The following DOCK1 variants were observed in gnomAD, a reference collection of about 807,000 sequenced individuals.
DOCK1 encodes the protein dedicator of cytokinesis protein 1.
In DOCK1, 138 loss-of-function variants were observed where a neutral mutation model predicts 262.7. That is an observed-to-expected ratio of 0.53 (90% confidence interval 0.46 to 0.61). The LOEUF (loss-of-function observed/expected upper bound fraction) is 0.61. DOCK1 is among the 20% of genes least tolerant of loss of function. The probability of loss-of-function intolerance (pLI) is 0.00; values close to 1 mark genes in which losing one functional copy is unlikely to be tolerated. For synonymous variants in DOCK1, 866 were observed against 867.4 expected (o/e 1.00, Z 0.03); for missense variants, 1,908 against 2,370.7 (o/e 0.80, Z 4.05).
intron 4 of DOCK1, among the ~76,000 whole-genome samples, chr10:126,985,084 G>A (rs944649393): frequency 2.7e-5 from 4 of 148,944 alleles, no homozygotes; most frequent in Admixed American, 6.9e-5. Context: ...GCGTTCAAGC[G>A]ATTCTCCTGT....
chr10:127,119,482 G>C (rs2049406841), intron 25 of DOCK1, among the ~76,000 whole-genome samples: 1 of 152,214 alleles, frequency 6.6e-6, no homozygotes, highest in African/African-American at 2.4e-5. Flanking sequence ...TCCAGTGTCG[G>C]CACCGTCTTC....
rs148705016 is a variant in DOCK1 at position 127,023,144 on chromosome 10, C to T, written c.1328-56C>T. 283 of 1,592,062 alleles carry T rather than the reference C, an allele frequency of 1.8e-4. No homozygotes were observed. In the African/African-American group the frequency reaches 3.5e-3, roughly 20 times the overall value. ...TAGGTAGACAGTCTTGCAAAATTCA[C>T]AATTACGCTATTAATAATGGATTGT... On this transcript the variant is annotated intron_variant, in intron 13 of 51. Coordinates refer to ENST00000623213, the MANE Select transcript of DOCK1 (RefSeq NM_001290223.2).
chr10:127,251,113 C>T (rs1473359368), intron 28 of DOCK1, among the ~76,000 whole-genome samples: 1 of 151,828 alleles, frequency 6.6e-6, no homozygotes, highest in Non-Finnish European at 1.5e-5. Context: ...CAGGCATGCA[C>T]CACCACACCC....
intron 1 of DOCK1, among the ~76,000 whole-genome samples, chr10:126,937,938 A>T (rs2034665232): frequency 6.6e-6 from 1 of 152,108 alleles, no homozygotes; most frequent in African/African-American, 2.4e-5. Flanking sequence ...CAGTGCCTCG[A>T]AGTTTTTCCC....
intron 27 of DOCK1, among the ~76,000 whole-genome samples, chr10:127,225,317 G>A (rs1304185088): frequency 2.6e-5 from 4 of 152,232 alleles, no homozygotes; most frequent in Admixed American, 6.5e-5. Flanking sequence ...CCCCATCAAT[G>A]CCAAGGGCAC....
chr10:127,264,104 T>G (rs530522211), intron 29 of DOCK1, among the ~76,000 whole-genome samples: 3 of 152,298 alleles, frequency 2.0e-5, no homozygotes, highest in East Asian at 3.9e-4. Flanking sequence ...GAATTAGACT[T>G]TCTTGTTCGT....
In DOCK1 at chr10:127,373,804, G is replaced by A; in HGVS notation, c.3456G>A (p.Lys1152=). ...FQMFENEIIT[K]LDHEVEGGRG... ...AGTTTGAAAATGAGATCATCACCAAGCTGGATCATGAAGTCGAAGGAGGCA... is the reference window on the plus strand; with the variant it reads ...AGTTTGAAAATGAGATCATCACCAAACTGGATCATGAAGTCGAAGGAGGCA... Residue 1152 remains lysine (K), a synonymous_variant, in exon 34 of 52, where the codon AAG becomes AAA. Transcript: ENST00000623213. The A allele has an allele frequency of 6.2e-7, 1 of 1,611,644 alleles. No individual in the cohort carries two copies. Among genetic ancestry groups the A allele is most frequent in the Non-Finnish European group, 8.5e-7 (1 of 1,178,918 alleles).
intron 1 of DOCK1, among the ~76,000 whole-genome samples, chr10:126,929,947 C>G (rs1228936238): frequency 6.6e-6 from 1 of 152,304 alleles, no homozygotes; most frequent in South Asian, 2.1e-4. Context: ...AGCCATGTAC[C>G]CATTTAGCAG....
At chr10:127,344,848 G>A (rs2063563767) in intron 31 of DOCK1, among the ~76,000 whole-genome samples, 1 of 152,080 alleles carries the variant, frequency 6.6e-6, no homozygotes, top group Non-Finnish European at 1.5e-5. Context: ...TCCAGCCTGG[G>A]CAACATGGCA....
At chr10:126,905,643 G>C (rs1231237498) in intron 1 of DOCK1, 80 bp downstream of exon 1, 1 of 217,946 alleles carries the variant, frequency 4.6e-6, no homozygotes, top group African/African-American at 2.4e-5. Context: ...GCCTGTTGCC[G>C]CCGCCCCGAG....
At chr10:127,020,229 A>G (rs76244112) in intron 13 of DOCK1, among the ~76,000 whole-genome samples, 6,509 of 152,320 alleles carry the variant, frequency 0.043, 180 homozygotes, top group Non-Finnish European at 0.06. Flanking sequence ...ACTAATTTGT[A>G]TACTTATTAT....
At chr10:127,098,584 G>T (rs547692783) in intron 23 of DOCK1, among the ~76,000 whole-genome samples, 1 of 152,098 alleles carries the variant, frequency 6.6e-6, no homozygotes, top group African/African-American at 2.4e-5. Flanking sequence ...TGAGAAGCCC[G>T]ATAGGAAATG....
At chr10:127,112,179 T>G (rs1314078248) in intron 25 of DOCK1, among the ~76,000 whole-genome samples, 1 of 152,116 alleles carries the variant, frequency 6.6e-6, no homozygotes, top group Non-Finnish European at 1.5e-5. Context: ...GCCTAGCTAA[T>G]TTCTGTATTT....
In DOCK1 at chr10:127,290,374, C is replaced by T. The variant is rs561386843; in HGVS notation, c.3044+32945C>T. On this transcript the variant is annotated intron_variant, in intron 29 of 51. Transcript: ENST00000623213. Reference sequence around the variant, plus strand: ...TTTCTGTGATATTCAAAATGAAGGTCGTGGTAGTTTTGAGTGGAAGGCAGT... The same window carrying T: ...TTTCTGTGATATTCAAAATGAAGGTTGTGGTAGTTTTGAGTGGAAGGCAGT... Among the ~76,000 whole-genome samples the T allele has an allele frequency of 3.3e-5, 5 of 151,946 alleles. No homozygotes were observed. The South Asian group carries it at 6.3e-4, about 19-fold the overall frequency.
chr10:127,029,694 T>C (rs1419993744), intron 16 of DOCK1, among the ~76,000 whole-genome samples: 2 of 152,188 alleles, frequency 1.3e-5, no homozygotes, highest in African/African-American at 2.4e-5. Context: ...TGATGGCTGC[T>C]AGTGAGCATG....
intron 37 of DOCK1, among the ~76,000 whole-genome samples, chr10:127,382,558 C>T (rs1460388341): frequency 6.6e-6 from 1 of 152,188 alleles, no homozygotes; most frequent in East Asian, 1.9e-4. Flanking sequence ...TGGGCTCTCC[C>T]AAGGAGCATA....
chr10:127,038,126 G>A (rs2043775091), intron 19 of DOCK1, among the ~76,000 whole-genome samples: 1 of 151,980 alleles, frequency 6.6e-6, no homozygotes, highest in African/African-American at 2.4e-5. Context: ...CCAGCTACTC[G>A]GGAGGCTGAG....
intron 27 of DOCK1, among the ~76,000 whole-genome samples, chr10:127,186,312 A>G (rs1235622955): frequency 1.3e-5 from 2 of 152,192 alleles, no homozygotes; most frequent in African/African-American, 2.4e-5. Flanking sequence ...GCAGAAGGCA[A>G]AGGAGAAGCA....
intron 23 of DOCK1, among the ~76,000 whole-genome samples, chr10:127,103,446 G>T (rs375993439): frequency 1.3e-5 from 2 of 152,198 alleles, no homozygotes; most frequent in African/African-American, 4.8e-5. Flanking sequence ...GTTGAAGAGC[G>T]TGGGGTGAAG....
Sources: allele counts gnomAD v4.1 joint callset (sites outside exome capture counted in the v4.1 genomes callset), GRCh38; gene constraint gnomAD v4.1.1; transcripts MANE v1.5; gene names NCBI Gene and HGNC (gene_info 2026-07-23, HGNC 2026-07-21).